RGS8: variants seen among roughly 807,000 people sequenced by gnomAD.
RGS8 encodes regulator of G-protein signaling 8.
In RGS8, 8 loss-of-function variants were observed where a neutral mutation model predicts 21.7. The ratio of observed to expected loss-of-function variants is 0.37; its 90% CI spans 0.22 to 0.66. RGS8 has a LOEUF of 0.66. Among genes scored for constraint, RGS8 ranks in the 30% least tolerant of loss-of-function variants. The probability of loss-of-function intolerance (pLI) is 0.59; values close to 1 mark genes in which losing one functional copy is unlikely to be tolerated. For missense variants in RGS8, 157 were observed against 217.9 expected (o/e 0.72, Z 1.76); for synonymous variants, 80 against 83.6 (o/e 0.96, Z 0.24).
chr1:182,677,361 C>T (rs1480539247), upstream of RGS8, among the ~76,000 whole-genome samples: 1 of 152,210 alleles, frequency 6.6e-6, no homozygotes, highest in Admixed American at 6.5e-5. Flanking sequence ...GTGTGAGCCA[C>T]TTTTATCATT....
At chr1:182,731,042 A>G in the RGS8 span, among the ~76,000 whole-genome samples, 1 of 152,172 alleles carries the variant, frequency 6.6e-6, no homozygotes, top group Non-Finnish European at 1.5e-5. Flanking sequence ...TAAAGAAAAG[A>G]GTTTATCTGA....
At chr1:182,742,646 G>A in the RGS8 span, among the ~76,000 whole-genome samples, 1 of 152,222 alleles carries the variant, frequency 6.6e-6, no homozygotes, top group African/African-American at 2.4e-5. Flanking sequence ...AGCTGAGGCA[G>A]GAGAATCAGG....
the RGS8 span, among the ~76,000 whole-genome samples, chr1:182,742,255 C>T: frequency 2.7e-5 from 4 of 150,002 alleles, no homozygotes; most frequent in Non-Finnish European, 5.9e-5. Context: ...ACTTTCCAGA[C>T]TGGGCAGCCA....
At chr1:182,738,089 A>G in the RGS8 span, among the ~76,000 whole-genome samples, 1 of 152,258 alleles carries the variant, frequency 6.6e-6, no homozygotes, top group Non-Finnish European at 1.5e-5. Flanking sequence ...ACAGTAACAA[A>G]TAACTAACAG....
At chr1:182,671,284 T>C (rs1664145490) in intron 2 of RGS8, among the ~76,000 whole-genome samples, 1 of 152,166 alleles carries the variant, frequency 6.6e-6, no homozygotes, top group Non-Finnish European at 1.5e-5. Flanking sequence ...CCAGCTGCCT[T>C]ACCCATCCCA....
intron 5 of RGS8, among the ~76,000 whole-genome samples, chr1:182,664,341 A>G (rs1663747629): frequency 6.6e-6 from 1 of 152,200 alleles, no homozygotes. Flanking sequence ...ACCTTTAAGT[A>G]GAGAAGCCGA....
At chr1:182,655,741 TCATGG>T (rs1663242860) in intron 5 of RGS8, among the ~76,000 whole-genome samples, 1 of 152,338 alleles carries the variant, frequency 6.6e-6, no homozygotes, top group Admixed American at 6.5e-5. Flanking sequence ...TTCGGTGTCC[TCATGG>T]CAACTTAAAT....
the RGS8 span, among the ~76,000 whole-genome samples, chr1:182,730,919 T>C: frequency 6.6e-6 from 1 of 152,172 alleles, no homozygotes; most frequent in Non-Finnish European, 1.5e-5. Flanking sequence ...AATTCTGATA[T>C]AACCCATCTC....
chr1:182,672,889 T>C (rs373946315), upstream of RGS8: 2 of 1,607,944 alleles, frequency 1.2e-6, no homozygotes, highest in African/African-American at 2.7e-5. Flanking sequence ...CCTAGTGTAG[T>C]GGTTCTCCAA....
chr1:182,671,851 C>T lies in RGS8; in HGVS notation c.-180G>A, dbSNP rs551574141. On this transcript the variant is annotated splice_region_variant and 5_prime_UTR_variant, in exon 1 of 7. Coordinates refer to ENST00000483095, the Ensembl canonical transcript of RGS8. Reference sequence around the variant, plus strand: ...ACACACAGGCATGCACAACACACCTCCCACCACTTGAGCCAGGCAGCAAGC... The same window carrying T: ...ACACACAGGCATGCACAACACACCTTCCACCACTTGAGCCAGGCAGCAAGC... 1.9e-6 allele frequency: 3 copies of T among 1,544,550 alleles called. No homozygotes were observed. The East Asian group carries it at 6.9e-5, about 36-fold the overall frequency.
chr1:182,710,515 C>G, the RGS8 span, among the ~76,000 whole-genome samples: 1 of 152,138 alleles, frequency 6.6e-6, no homozygotes, highest in African/African-American at 2.4e-5. Flanking sequence ...TGTCCAGGGT[C>G]AGGTGTCCTG....
chr1:182,700,502 A>T, the RGS8 span, among the ~76,000 whole-genome samples: 1 of 152,176 alleles, frequency 6.6e-6, no homozygotes, highest in Non-Finnish European at 1.5e-5. Context: ...GTGCCAGTCC[A>T]GGGTGGTATT....
chr1:182,645,095 GTT>G (rs1036227504), downstream of RGS8: 1 of 152,184 alleles, frequency 6.6e-6, no homozygotes, highest in Non-Finnish European at 1.5e-5. Flanking sequence ...GATTCTCAAA[GTT>G]ACTGGAGAGG....
the RGS8 span, among the ~76,000 whole-genome samples, chr1:182,716,425 C>T: frequency 6.6e-6 from 1 of 151,778 alleles, no homozygotes; most frequent in Non-Finnish European, 1.5e-5. Flanking sequence ...CACACCTGGC[C>T]TGTATTTTTA....
chr1:182,680,577 C>T (rs561018281), intron 1 of RGS8, among the ~76,000 whole-genome samples: 5 of 152,020 alleles, frequency 3.3e-5, no homozygotes, highest in Admixed American at 6.6e-5. Flanking sequence ...CTGCAACTCT[C>T]TTCTCCTAAC....
intron 2 of RGS8, 95 bp from the exon 4 acceptor site, chr1:182,669,847 C>A: frequency 1.5e-6 from 2 of 1,334,966 alleles, no homozygotes; most frequent in Non-Finnish European, 2.0e-6. Context: ...CGGAACACCT[C>A]CCCACACACA....
At chr1:182,744,177 A>G in the RGS8 span, among the ~76,000 whole-genome samples, 1 of 152,240 alleles carries the variant, frequency 6.6e-6, no homozygotes, top group East Asian at 1.9e-4. Flanking sequence ...TTGTTTTTTG[A>G]GACAGGGTCT....
the RGS8 span, among the ~76,000 whole-genome samples, chr1:182,711,334 C>T: frequency 1.3e-5 from 2 of 152,212 alleles, no homozygotes; most frequent in African/African-American, 2.4e-5. Context: ...CCCCAAATAC[C>T]AATCCATTGT....
Position 182,650,074 on chromosome 1 carries a change from G to A in RGS8, c.194-1771C>T, listed in dbSNP as rs201037549. 1.4e-4 allele frequency among the ~76,000 whole-genome samples: 21 copies of A among 150,300 alleles called. 1 individual carries two copies. In the East Asian group the frequency reaches 2.3e-3, roughly 17 times the overall value. ...TTACAGGCGTGCGCCACTACGCCTC[G>A]CTAATTTTTGTACTTTTAATAGAGA... On this transcript the variant is annotated intron_variant, in intron 5 of 6. Coordinates refer to ENST00000483095, the Ensembl canonical transcript of RGS8.
Sources: allele counts gnomAD v4.1 joint callset (sites outside exome capture counted in the v4.1 genomes callset), GRCh38; gene constraint gnomAD v4.1.1; transcripts MANE v1.5; gene names NCBI Gene and HGNC (gene_info 2026-07-23, HGNC 2026-07-21).